The following RNF111 variants were observed in gnomAD, a reference collection of about 807,000 sequenced individuals.
The protein encoded by RNF111 is ring finger protein 111, also known as E3 ubiquitin-protein ligase Arkadia.
A neutral mutation model predicts 95.1 loss-of-function variants in RNF111; 17 were observed. The observed-to-expected ratio is 0.18, with a 90% CI of 0.12 to 0.27. The LOEUF is 0.27. Among genes scored for constraint, RNF111 ranks in the 10% least tolerant of loss-of-function variants. RNF111 has a pLI of 1.00. For synonymous variants in RNF111, 440 were observed against 414.8 expected, an observed-to-expected ratio of 1.06 and a Z score of -0.74; for missense variants, 1,189 against 1,210.4, an observed-to-expected ratio of 0.98 and a Z score of 0.26.
At chr15:59,048,355 A>G (rs1393667924) in intron 2 of RNF111, among the ~76,000 whole-genome samples, 3 of 152,242 alleles carry the variant, frequency 2.0e-5, no homozygotes, top group African/African-American at 4.8e-5. Flanking sequence ...AGTGTATGCA[A>G]TGTGTGACTC....
At chr15:59,091,298 A>C (rs1366060508) in intron 12 of RNF111, 144 bp downstream of exon 12, 3 of 487,622 alleles carry the variant, frequency 6.2e-6, no homozygotes, top group African/African-American at 2.0e-5. Context: ...GGAAAGTATA[A>C]AAAATATATA....
intron 1 of RNF111, among the ~76,000 whole-genome samples, chr15:58,990,290 G>A (rs547323265): frequency 1.3e-5 from 2 of 152,212 alleles, no homozygotes; most frequent in Non-Finnish European, 2.9e-5. Context: ...TGTGTTTGTC[G>A]TAATTGAATC....
rs764573316 is a variant in RNF111, at chr15:59,031,065, C to G, written c.243C>G (p.Asn81Lys). 11 of 1,614,066 alleles carry G rather than the reference C, an allele frequency of 6.8e-6. No homozygotes were observed. Among genetic ancestry groups the G allele is most frequent in the Non-Finnish European group, 8.5e-6 (10 of 1,180,046 alleles). ...SQKQEKEMNG[N>K]QQEQEKSLVV... ...AGCAAGAGAAGGAAATGAATGGTAA[C>G]CAGCAAGAACAAGAAAAAAGTCTCG... Residue 81 changes from asparagine (N) to lysine (K), a missense_variant, in exon 2 of 14, where the codon AAC (asparagine) becomes AAG (lysine). Transcript: ENST00000348370.
intron 3 of RNF111, among the ~76,000 whole-genome samples, chr15:59,054,637 CCTT>C (rs35724526): frequency 0.31 from 47,120 of 151,810 alleles, 7,355 homozygotes; most frequent in Middle Eastern, 0.45. Flanking sequence ...ACTTTATACT[CCTT>C]CTTAAGAATT....
intron 1 of RNF111, among the ~76,000 whole-genome samples, chr15:59,012,449 A>G (rs2039871487): frequency 6.6e-6 from 1 of 152,190 alleles, no homozygotes; most frequent in South Asian, 2.1e-4. Context: ...TTTATGTCAC[A>G]AAAAGATAAA....
At chr15:59,078,479 T>G (rs1051117341) in intron 7 of RNF111, among the ~76,000 whole-genome samples, 5 of 150,870 alleles carry the variant, frequency 3.3e-5, no homozygotes, top group African/African-American at 1.2e-4. Flanking sequence ...AGTTCAAGGT[T>G]GTAGTGTGCT....
At chr15:58,990,714 A>T (rs1392399657) in intron 1 of RNF111, among the ~76,000 whole-genome samples, 2 of 152,228 alleles carry the variant, frequency 1.3e-5, no homozygotes, top group African/African-American at 4.8e-5. Context: ...TTGTTGTCCC[A>T]TTGTAGATAT....
chr15:59,026,448 A>G (rs973230154), intron 1 of RNF111, among the ~76,000 whole-genome samples: 1 of 152,232 alleles, frequency 6.6e-6, no homozygotes, highest in East Asian at 1.9e-4. Context: ...TTATGGTTTC[A>G]GTATTGAAAC....
At chr15:59,079,655 C>CT (rs36057944) in intron 7 of RNF111, among the ~76,000 whole-genome samples, 1,722 of 145,772 alleles carry the variant, frequency 0.012, 27 homozygotes, top group African/African-American at 0.037. Flanking sequence ...CTAAGACAAA[C>CT]TTTTTTTTTT....
chr15:59,067,759 G>C (rs1672287009), intron 6 of RNF111, among the ~76,000 whole-genome samples: 7 of 152,134 alleles, frequency 4.6e-5, no homozygotes, highest in Admixed American at 4.6e-4. Flanking sequence ...CTAGTGTCCA[G>C]CTAATTCATG....
At position 59,065,594 on chromosome 15, in the gene RNF111, T is replaced by C. The variant is rs567687684; in HGVS notation, c.1367-1170T>C. 2.6e-5 allele frequency among the ~76,000 whole-genome samples: 4 copies of C among 152,354 alleles called. 1 individual carries two copies. The highest frequency in any genetic ancestry group is 9.6e-5 in the African/African-American group (4 of 41,592). Reference sequence around the variant, plus strand: ...AGATTCATTTGACTCCATGTTTCTTTTCCCACTGTGTGACACTAAGTCATT... The same window carrying C: ...AGATTCATTTGACTCCATGTTTCTTCTCCCACTGTGTGACACTAAGTCATT... On this transcript the variant is annotated intron_variant, in intron 5 of 13. Transcript: ENST00000348370.
At chr15:59,054,685 T>A (rs2042132731) in intron 3 of RNF111, among the ~76,000 whole-genome samples, 1 of 152,156 alleles carries the variant, frequency 6.6e-6, no homozygotes, top group Non-Finnish European at 1.5e-5. Context: ...AACTCTGGGT[T>A]CTATAATCGT....
intron 3 of RNF111, among the ~76,000 whole-genome samples, chr15:59,054,378 A>G (rs2042119583): frequency 6.6e-6 from 1 of 152,138 alleles, no homozygotes; most frequent in African/African-American, 2.4e-5. Context: ...TGCTCCATCT[A>G]GTACAATATG....
intron 6 of RNF111, among the ~76,000 whole-genome samples, 186 bp from the exon 7 acceptor site, chr15:59,075,768 C>G (rs1261729240): frequency 6.6e-6 from 1 of 152,152 alleles, no homozygotes. Flanking sequence ...CCAGGATACA[C>G]TTGTTATATT....
intron 1 of RNF111, among the ~76,000 whole-genome samples, chr15:58,995,944 T>C (rs1264323650): frequency 6.6e-6 from 1 of 152,046 alleles, no homozygotes; most frequent in East Asian, 1.9e-4. Context: ...AGGAATAATC[T>C]TTTTTTCATG....
intron 8 of RNF111, among the ~76,000 whole-genome samples, chr15:59,083,143 T>TA (rs35563547): frequency 0.35 from 52,385 of 147,582 alleles, 10,149 homozygotes; most frequent in African/African-American, 0.53. Context: ...TTCTGCCGCT[T>TA]AAAAAAAAAA....
chr15:58,990,025 A>G (rs565729193), intron 1 of RNF111, among the ~76,000 whole-genome samples: 10 of 152,318 alleles, frequency 6.6e-5, no homozygotes, highest in Admixed American at 1.3e-4. Flanking sequence ...ATAGCAGTTA[A>G]AATATGTTAT....
intron 2 of RNF111, among the ~76,000 whole-genome samples, chr15:59,045,397 G>A (rs918092920): frequency 1.3e-5 from 2 of 151,986 alleles, no homozygotes; most frequent in African/African-American, 4.8e-5. Context: ...TACCATGTTG[G>A]CCAGGCTGGT....
chr15:59,031,589 C>A lies in RNF111; in HGVS notation c.767C>A (p.Ser256Tyr), dbSNP rs1267894210. 3 of 1,613,994 alleles carry A rather than the reference C, an allele frequency of 1.9e-6. No individual in the cohort carries two copies. The highest frequency in any genetic ancestry group is 2.7e-5 in the African/African-American group (2 of 74,912). ...KYALLPSSSSSSENDLSSESS... is the reference protein window; with the variant it reads ...KYALLPSSSSYSENDLSSESS... ...GCCTTGCTACCTAGTTCTAGTAGTT[C>A]CAGTGAGAATGACCTCAGCAGTGAA... Residue 256 changes from serine (S) to tyrosine (Y), a missense_variant, in exon 2 of 14, where the codon TCC becomes TAC. By Grantham distance (144) the Ser-to-Tyr change is moderately radical. This residue lies in a region of RNF111 where 1,024 missense variants were observed against 925.9 expected (regional missense o/e 1.11). Transcript: ENST00000348370.
Sources: allele counts gnomAD v4.1 joint callset (sites outside exome capture counted in the v4.1 genomes callset), GRCh38; gene constraint gnomAD v4.1.1; regional missense constraint gnomAD v4.1.1; transcripts MANE v1.5; gene names NCBI Gene and HGNC (gene_info 2026-07-23, HGNC 2026-07-21).